AGBL4: variants seen among roughly 807,000 people sequenced by gnomAD.
AGBL4 encodes cytosolic carboxypeptidase 6.
Under a neutral mutation model 66.4 loss-of-function variants are expected in AGBL4, and 58 were observed. That is an observed-to-expected ratio of 0.87 (90% CI 0.71 to 1.09). AGBL4 has a LOEUF of 1.09. Among genes scored for constraint, AGBL4 ranks in the 50% least tolerant of loss-of-function variants. The pLI is 0.00. For synonymous variants in AGBL4, 234 were observed against 222.9 expected (o/e 1.05, Z -0.44); for missense variants, 579 against 631.0 (o/e 0.92, Z 0.88).
intron 11 of AGBL4, among the ~76,000 whole-genome samples, chr1:48,579,844 G>T (rs1278041529): frequency 3.3e-5 from 5 of 150,356 alleles, no homozygotes; most frequent in Admixed American, 2.6e-4. Context: ...CATGAACCTG[G>T]GAGGCGGAGC....
At chr1:48,554,164 A>T (rs1479026448) in intron 11 of AGBL4, among the ~76,000 whole-genome samples, 2 of 152,194 alleles carry the variant, frequency 1.3e-5, no homozygotes, top group African/African-American at 4.8e-5. Context: ...GGGACAGGAC[A>T]TGGGGTCCTC....
chr1:49,770,175 G>A (rs993695661), intron 2 of AGBL4, among the ~76,000 whole-genome samples: 6 of 152,040 alleles, frequency 3.9e-5, no homozygotes, highest in East Asian at 1.9e-4. Context: ...CTGTATGGCC[G>A]TTATCGTGAT....
chr1:49,879,544 G>A (rs1647148095), intron 1 of AGBL4, among the ~76,000 whole-genome samples: 1 of 147,536 alleles, frequency 6.8e-6, no homozygotes, highest in Admixed American at 6.7e-5. Flanking sequence ...TTAGTCTGAT[G>A]GGCTTCCCTT....
intron 11 of AGBL4, among the ~76,000 whole-genome samples, chr1:48,578,936 A>G (rs1336725379): frequency 6.6e-6 from 1 of 152,060 alleles, no homozygotes; most frequent in African/African-American, 2.4e-5. Context: ...GTTATCAAGC[A>G]GAAGCCCACC....
rs1644861439 is a variant in AGBL4 at position 49,307,099 on chromosome 1, C to T, written c.283-61235G>A. Among the ~76,000 whole-genome samples, 3 of 152,154 alleles carry T rather than the reference C, an allele frequency of 2.0e-5. No homozygotes were observed. In the South Asian group the frequency reaches 6.2e-4, roughly 31 times the overall value. Reference sequence around the variant, plus strand: ...GGTAAAGTTGGAAAGAAAAATTTATCTGGAAAGTGAATTTCCTATACTCTT... The same window carrying T: ...GGTAAAGTTGGAAAGAAAAATTTATTTGGAAAGTGAATTTCCTATACTCTT... On this transcript the variant is annotated intron_variant, in intron 3 of 13. Coordinates refer to ENST00000371839, the MANE Select transcript of AGBL4 (RefSeq NM_032785.4).
chr1:49,179,028 T>C (rs369517695), intron 4 of AGBL4, among the ~76,000 whole-genome samples: 20 of 152,342 alleles, frequency 1.3e-4, no homozygotes, highest in African/African-American at 4.6e-4. Context: ...AGTCATCTTA[T>C]GCTAGTACAA....
At chr1:49,942,685 A>AAATG (rs1048072938) in intron 1 of AGBL4, among the ~76,000 whole-genome samples, 3 of 152,226 alleles carry the variant, frequency 2.0e-5, no homozygotes, top group African/African-American at 7.2e-5. Flanking sequence ...AATCAACTCA[A>AAATG]AATGAATTAA....
chr1:49,510,554 G>C (rs1282816734), intron 3 of AGBL4, among the ~76,000 whole-genome samples: 18 of 150,728 alleles, frequency 1.2e-4, no homozygotes, highest in African/African-American at 3.2e-4. Flanking sequence ...TCTGATGGTA[G>C]TTTCTTTTGC....
At chr1:48,934,249 T>A (rs1476175568) in intron 5 of AGBL4, among the ~76,000 whole-genome samples, 1 of 152,090 alleles carries the variant, frequency 6.6e-6, no homozygotes, top group Non-Finnish European at 1.5e-5. Context: ...TCAGCTATTA[T>A]AGCAGGAGGG....
chr1:49,821,860 G>A (rs980725890), intron 2 of AGBL4, among the ~76,000 whole-genome samples: 1 of 152,090 alleles, frequency 6.6e-6, no homozygotes, highest in African/African-American at 2.4e-5. Context: ...TTTAAAAATA[G>A]AATACATAAA....
At chr1:50,012,489 GTTTT>G (rs10589221) in intron 1 of AGBL4, among the ~76,000 whole-genome samples, 12,336 of 151,736 alleles carry the variant, frequency 0.081, 694 homozygotes, top group African/African-American at 0.17. Context: ...TACATATCCA[GTTTT>G]TTTAATTTTT....
At chr1:49,680,555 G>A (rs553440989) in intron 3 of AGBL4, among the ~76,000 whole-genome samples, 1 of 152,002 alleles carries the variant, frequency 6.6e-6, no homozygotes. Flanking sequence ...GCACTTTATT[G>A]TGGGTTCCAT....
At chr1:49,455,929 A>G (rs1194536397) in intron 3 of AGBL4, among the ~76,000 whole-genome samples, 1 of 151,652 alleles carries the variant, frequency 6.6e-6, no homozygotes, top group Non-Finnish European at 1.5e-5. Context: ...TTAACCAGTT[A>G]TTATTTCTAC....
intron 2 of AGBL4, among the ~76,000 whole-genome samples, chr1:49,759,984 GAGTAC>G (rs1652181879): frequency 6.6e-6 from 1 of 152,174 alleles, no homozygotes; most frequent in African/African-American, 2.4e-5. Context: ...ACTTCTTAAT[GAGTAC>G]AGGAGTTTTA....
intron 1 of AGBL4, among the ~76,000 whole-genome samples, chr1:50,019,260 AT>A (rs968921198): frequency 4.0e-5 from 5 of 125,890 alleles, no homozygotes; most frequent in African/African-American, 6.0e-5. Flanking sequence ...AGGAAAAAAA[AT>A]ATTCTCTCTC....
intron 2 of AGBL4, among the ~76,000 whole-genome samples, chr1:49,741,264 T>C (rs1261214899): frequency 1.3e-5 from 2 of 152,176 alleles, no homozygotes; most frequent in Non-Finnish European, 2.9e-5. Flanking sequence ...CAGAGAATAC[T>C]ATAAACACCT....
chr1:49,266,394 G>C (rs1469446745), intron 3 of AGBL4: 1 of 150,872 alleles, frequency 6.6e-6, no homozygotes, highest in Non-Finnish European at 1.5e-5. Context: ...CCAAGATACA[G>C]ACAAAAAAAA....
intron 1 of AGBL4, among the ~76,000 whole-genome samples, chr1:49,894,236 C>T (rs1268006429): frequency 6.6e-6 from 1 of 151,962 alleles, no homozygotes; most frequent in Non-Finnish European, 1.5e-5. Context: ...ACCTAAAAAG[C>T]CTTCCAAAAA....
intron 1 of AGBL4, among the ~76,000 whole-genome samples, chr1:49,921,432 G>A (rs972333620): frequency 6.6e-6 from 1 of 151,930 alleles, no homozygotes; most frequent in Admixed American, 6.6e-5. Context: ...TAAGTATTAG[G>A]GTTCTCCAGA....
Sources: gnomAD v4.1 joint callset for allele counts (sites outside exome capture counted in the v4.1 genomes callset) on GRCh38, gnomAD v4.1.1 for gene constraint, MANE v1.5 for transcripts, NCBI Gene and HGNC (gene_info 2026-07-23, HGNC 2026-07-21) for gene names.